The following NUP205 variants were observed in gnomAD, a reference collection of about 807,000 sequenced individuals.
NUP205 encodes the protein nuclear pore complex protein Nup205.
A neutral mutation model predicts 253.8 loss-of-function variants in NUP205; 76 were observed. That is an observed-to-expected ratio of 0.30 (90% CI 0.25 to 0.36). The LOEUF (loss-of-function observed/expected upper bound fraction) is 0.36. NUP205 is among the 10% of genes least tolerant of loss of function. The pLI, the probability that NUP205 is intolerant of heterozygous loss-of-function variation, is 1.00. For synonymous variants in NUP205, 832 were observed against 850.1 expected, an observed-to-expected ratio of 0.98 and a Z score of 0.37; for missense variants, 2,162 against 2,425.5, an observed-to-expected ratio of 0.89 and a Z score of 2.28.
At chr7:135,629,518 TCTCTGTCTCTC>T (rs1278625000) in intron 34 of NUP205, among the ~76,000 whole-genome samples, 46 of 140,326 alleles carry the variant, frequency 3.3e-4, no homozygotes, top group African/African-American at 6.6e-4. Context: ...TCTGTCTCTC[TCTCTGTCTCTC>T]TTTTTTTTTT....
chr7:135,577,764 A>G (rs1191019477), intron 5 of NUP205, 32 bp from the exon 6 acceptor site: 2 of 1,514,578 alleles, frequency 1.3e-6, no homozygotes, highest in South Asian at 1.1e-5. Flanking sequence ...ACTGTAATTT[A>G]TTTATACTGA....
intron 35 of NUP205, among the ~76,000 whole-genome samples, chr7:135,634,227 G>A (rs1036404654): frequency 2.6e-5 from 4 of 152,122 alleles, no homozygotes; most frequent in Non-Finnish European, 2.9e-5. Context: ...ATGCCCAGCT[G>A]GCTCACAGAT....
At chr7:135,645,119 ATAAACT>A in intron 40 of NUP205, 101 bp downstream of exon 40, 1 of 1,383,710 alleles carries the variant, frequency 7.2e-7, no homozygotes, top group Non-Finnish European at 9.9e-7. Context: ...GTGGAAGGAG[ATAAACT>A]TAATTTTTTC....
rs1395178814 is a variant in NUP205, at chr7:135,646,185, A to G, written c.5840A>G (p.Asp1947Gly). 1.2e-6 allele frequency: 2 copies of G among 1,613,678 alleles called. No individual in the cohort carries two copies. Among genetic ancestry groups the G allele is most frequent in the East Asian group, 2.2e-5 (1 of 44,876 alleles). ...QDSFASETNL[D>G]FRSGLAIVSQ... Reference sequence around the variant, plus strand: ...TCCTTCGCCTCAGAAACCAATCTAGATTTTAGAAGTGGGCTGGCTATAGTG... The same window carrying G: ...TCCTTCGCCTCAGAAACCAATCTAGGTTTTAGAAGTGGGCTGGCTATAGTG... The change falls in exon 42 of 43, where the codon GAT becomes GGT. Residue 1947 changes from aspartate to glycine, a missense_variant. Physicochemically the swap from Asp to Gly is moderately conservative, Grantham distance 94 (BLOSUM62 -1). This residue lies in a region of NUP205 where 1,144 missense variants were observed against 1,280.9 expected (regional missense o/e 0.89). Transcript: ENST00000285968.
intron 1 of NUP205, among the ~76,000 whole-genome samples, chr7:135,563,225 T>A (rs981481863): frequency 6.6e-6 from 1 of 152,096 alleles, no homozygotes; most frequent in Admixed American, 6.6e-5. Flanking sequence ...TCTTACTCTG[T>A]AGCCCAGGCT....
At chr7:135,558,781 C>T (rs1230651795) in intron 1 of NUP205, among the ~76,000 whole-genome samples, 1 of 152,108 alleles carries the variant, frequency 6.6e-6, no homozygotes, top group Non-Finnish European at 1.5e-5. Context: ...AATTTGGTGC[C>T]TAGAATGTTA....
At chr7:135,594,112 A>G (rs1793762586) in intron 12 of NUP205, among the ~76,000 whole-genome samples, 1 of 152,188 alleles carries the variant, frequency 6.6e-6, no homozygotes, top group Non-Finnish European at 1.5e-5. Flanking sequence ...CATATCAACT[A>G]AAAATGAAAA....
intron 11 of NUP205, among the ~76,000 whole-genome samples, chr7:135,592,448 G>A (rs1806654517): frequency 6.6e-6 from 1 of 152,218 alleles, no homozygotes; most frequent in South Asian, 2.1e-4. Context: ...ATTTACATGG[G>A]CAGTAGCCCC....
intron 1 of NUP205, among the ~76,000 whole-genome samples, chr7:135,570,692 A>T (rs1291880723): frequency 1.2e-5 from 1 of 81,010 alleles, no homozygotes; most frequent in African/African-American, 4.3e-5. Context: ...AATTATATTA[A>T]TATAATTAAT....
chr7:135,573,597 TTG>T, intron 2 of NUP205, 55 bp from the exon 3 acceptor site: 1 of 1,366,378 alleles, frequency 7.3e-7, no homozygotes, highest in Admixed American at 1.9e-5. Context: ...AGGTAACACT[TTG>T]GGACCTTGTC....
intron 18 of NUP205, 138 bp from the exon 19 acceptor site, chr7:135,604,202 G>C: frequency 1.6e-6 from 1 of 627,082 alleles, no homozygotes; most frequent in Non-Finnish European, 2.6e-6. Flanking sequence ...CATCTATTTA[G>C]AAGGGGACAG....
chr7:135,561,705 A>C (rs1387261015), intron 1 of NUP205, among the ~76,000 whole-genome samples: 2 of 152,098 alleles, frequency 1.3e-5, no homozygotes, highest in African/African-American at 4.8e-5. Context: ...CTGTCTTCCT[A>C]TCTAATGTAA....
intron 12 of NUP205, among the ~76,000 whole-genome samples, chr7:135,593,536 AAT>A (rs1793750117): frequency 2.0e-5 from 3 of 152,204 alleles, no homozygotes; most frequent in African/African-American, 7.2e-5. Flanking sequence ...ATGCATAAAG[AAT>A]ATTGTAATTA....
intron 22 of NUP205, among the ~76,000 whole-genome samples, chr7:135,610,217 T>C (rs185719946): frequency 3.7e-4 from 57 of 152,314 alleles, no homozygotes; most frequent in Admixed American, 9.2e-4. Flanking sequence ...ACATACTCTC[T>C]GTTGTCGTTG....
Position 135,627,962 on chromosome 7 carries a change from G to GA in NUP205, c.4794-11_4794-10insA. The GA allele has an allele frequency of 1.2e-6, 2 of 1,612,136 alleles. No individual in the cohort carries two copies. Among genetic ancestry groups the GA allele is most frequent in the Non-Finnish European group, 1.7e-6 (2 of 1,179,178 alleles). On this transcript the variant is annotated splice_polypyrimidine_tract_variant and intron_variant, in intron 33 of 42. Coordinates refer to ENST00000285968, the MANE Select transcript of NUP205 (RefSeq NM_015135.3). The stretch of plus-strand genomic sequence containing the variant: ...TCTTGGAATGTTTTCTCCTTGTTTG[G>GA]TTGAAATAAGCATGTTTGGCATGAG...
rs1336879231 is a variant in NUP205 at position 135,594,592 on chromosome 7, C to T, written c.1876C>T (p.Pro626Ser). The T allele has an allele frequency of 3.1e-6, 5 of 1,612,956 alleles. No homozygotes were observed. Among genetic ancestry groups the T allele is most frequent in the East Asian group, 2.2e-5 (1 of 44,772 alleles). The change falls in exon 13 of 43, where the codon CCT becomes TCT. Residue 626 changes from proline (P) to serine (S), a missense_variant. Transcript: ENST00000285968. The stretch of plus-strand genomic sequence containing the variant: ...ACTCTGTGAACACCCTCAGTGGACC[C>T]CTGTTGTGGTGATTCTGGGACTCCT... Reference protein sequence around the residue: ...LALCEHPQWTPVVVILGLLQC... With the variant: ...LALCEHPQWTSVVVILGLLQC...
intron 20 of NUP205, among the ~76,000 whole-genome samples, 177 bp from the exon 21 acceptor site, chr7:135,606,574 G>A (rs1186679242): frequency 6.6e-6 from 1 of 152,160 alleles, no homozygotes; most frequent in Non-Finnish European, 1.5e-5. Context: ...TACTCAACTT[G>A]TAAATTTATA....
chr7:135,594,961 C>T (rs555733306), intron 13 of NUP205, among the ~76,000 whole-genome samples: 1 of 152,080 alleles, frequency 6.6e-6, no homozygotes, highest in African/African-American at 2.4e-5. Flanking sequence ...ATGTACTGTA[C>T]CTCTCTGAAG....
chr7:135,639,321 A>G (rs1435755729), intron 38 of NUP205, among the ~76,000 whole-genome samples: 2 of 152,208 alleles, frequency 1.3e-5, no homozygotes, highest in Non-Finnish European at 2.9e-5. Flanking sequence ...TCAAGATCTT[A>G]CTATCCCTGA....
Sources: gnomAD v4.1 joint callset for allele counts (sites outside exome capture counted in the v4.1 genomes callset) on GRCh38, gnomAD v4.1.1 for gene constraint, gnomAD v4.1.1 regional missense constraint, MANE v1.5 for transcripts, NCBI Gene and HGNC (gene_info 2026-07-23, HGNC 2026-07-21) for gene names.